The following BMP6 variants were observed in gnomAD, a reference collection of about 807,000 sequenced individuals.
BMP6 encodes bone morphogenetic protein 6.
In BMP6, 17 loss-of-function variants were observed where a neutral mutation model predicts 54.1. The ratio of observed to expected loss-of-function variants is 0.31; its 90% CI spans 0.22 to 0.47. The LOEUF (loss-of-function observed/expected upper bound fraction) is 0.47. BMP6 is among the 20% of genes least tolerant of loss of function. The probability of loss-of-function intolerance (pLI) is 1.00; values close to 1 mark genes in which losing one functional copy is unlikely to be tolerated. For synonymous variants in BMP6, 328 were observed against 291.2 expected, an observed-to-expected ratio of 1.13 and a Z score of -1.28; for missense variants, 720 against 690.4, an observed-to-expected ratio of 1.04 and a Z score of -0.48.
intron 2 of BMP6, among the ~76,000 whole-genome samples, chr6:7,854,353 T>C (rs1328280043): frequency 1.3e-5 from 2 of 152,200 alleles, no homozygotes; most frequent in Non-Finnish European, 2.9e-5. Context: ...TAAAAAACTT[T>C]TTTAAAAGAT....
chr6:7,767,735 C>T (rs1041461152), intron 1 of BMP6, among the ~76,000 whole-genome samples: 1 of 152,218 alleles, frequency 6.6e-6, no homozygotes, highest in South Asian at 2.1e-4. Context: ...ATTCCAACAG[C>T]CCTGCTACGT....
chr6:7,727,524 C>T lies in BMP6; in HGVS notation c.569C>T (p.Pro190Leu). Reference sequence around the variant, plus strand: ...CTCAACCGCAAGAGCCTTCTGGCCCCCGGATCTGGCAGCGGCGGCGCGTCC... The same window carrying T: ...CTCAACCGCAAGAGCCTTCTGGCCCTCGGATCTGGCAGCGGCGGCGCGTCC... ...HPLNRKSLLA[P>L]GSGSGGASPL... The change falls in exon 1 of 7, where the codon CCC becomes CTC. Residue 190 changes from proline (P) to leucine (L), a missense_variant. Around this residue, in one of 3 missense-constraint regions of BMP6, gnomAD observed 650 missense variants for 556.3 expected, o/e 1.17. Transcript: ENST00000283147. 6.3e-7 allele frequency: 1 copy of T among 1,595,922 alleles called. No individual in the cohort carries two copies. The highest frequency in any genetic ancestry group is 8.5e-7 in the Non-Finnish European group (1 of 1,177,758).
At chr6:7,860,597 T>TG (rs1759318307) in intron 2 of BMP6, among the ~76,000 whole-genome samples, 2 of 152,218 alleles carry the variant, frequency 1.3e-5, no homozygotes. Flanking sequence ...AAGGGCCTAA[T>TG]GGAAGGAATG....
intron 1 of BMP6, among the ~76,000 whole-genome samples, chr6:7,731,262 G>A (rs1016981369): frequency 9.2e-5 from 14 of 152,178 alleles, no homozygotes; most frequent in Non-Finnish European, 1.6e-4. Flanking sequence ...TGCTAAAAAT[G>A]TCTTGGCAGC....
rs150526011 is a variant in BMP6, at chr6:7,862,322, C to T, written c.1028C>T (p.Ala343Val). The part of the protein sequence containing the change: ...TRDGVHVHPR[A>V]AGLVGRDGPY... ...AAAGGAGTCCACGTCCACCCCCGAG[C>T]CGCAGGCCTGGTGGGCAGAGACGGC... Residue 343 changes from alanine to valine, a missense_variant, in exon 4 of 7, where the codon GCC becomes GTC. Ala to Val is a moderately conservative substitution (Grantham distance 64). Coordinates refer to ENST00000283147, the MANE Select transcript of BMP6 (RefSeq NM_001718.6). 7.7e-5 allele frequency: 124 copies of T among 1,614,238 alleles called. No homozygotes were observed. In the African/African-American group the frequency reaches 1.6e-3, roughly 20 times the overall value.
intron 1 of BMP6, among the ~76,000 whole-genome samples, chr6:7,743,270 G>A (rs1757295533): frequency 6.6e-6 from 1 of 152,104 alleles, no homozygotes; most frequent in Non-Finnish European, 1.5e-5. Context: ...TTTATTTTGG[G>A]GGGCTGTATT....
chr6:7,875,624 T>C (rs1759603808), intron 4 of BMP6, among the ~76,000 whole-genome samples: 1 of 152,162 alleles, frequency 6.6e-6, no homozygotes, highest in Non-Finnish European at 1.5e-5. Context: ...GCCATGATTG[T>C]GCCACTGTGC....
At chr6:7,802,972 A>G (rs1412374766) in intron 1 of BMP6, among the ~76,000 whole-genome samples, 1 of 152,158 alleles carries the variant, frequency 6.6e-6, no homozygotes. Flanking sequence ...ATGCTAAGAG[A>G]GATATGGTTG....
chr6:7,780,035 G>A lies in BMP6; in HGVS notation c.664+52416G>A, dbSNP rs1296959262. ...TTACTCCATGGGCTGTGTGGTTGAG[G>A]ATGTGTTTGAGTTAAGTAGGCTCTA... On this transcript the variant is annotated intron_variant, in intron 1 of 6. Transcript: ENST00000283147. 3.1e-4 allele frequency among the ~76,000 whole-genome samples: 47 copies of A among 152,240 alleles called. 1 individual carries two copies. Among genetic ancestry groups the A allele is most frequent in the Admixed American group, 2.9e-3 (44 of 15,298 alleles).
At chr6:7,814,201 A>G (rs1163363120) in intron 1 of BMP6, among the ~76,000 whole-genome samples, 1 of 152,238 alleles carries the variant, frequency 6.6e-6, no homozygotes, top group Admixed American at 6.5e-5. Context: ...TTAGGCCCAC[A>G]TGGGCAATCT....
At chr6:7,790,965 A>C (rs188477503) in intron 1 of BMP6, among the ~76,000 whole-genome samples, 294 of 152,204 alleles carry the variant, frequency 1.9e-3, no homozygotes, top group Non-Finnish European at 3.6e-3. Flanking sequence ...ATGAGCATTT[A>C]TACACGCTTG....
intron 2 of BMP6, among the ~76,000 whole-genome samples, chr6:7,860,899 C>T (rs940520157): frequency 6.6e-6 from 1 of 152,030 alleles, no homozygotes; most frequent in Non-Finnish European, 1.5e-5. Context: ...CATATGGATC[C>T]TGATTTTTAT....
chr6:7,813,166 T>G (rs1385306637), intron 1 of BMP6, among the ~76,000 whole-genome samples: 1 of 111,622 alleles, frequency 9.0e-6, no homozygotes, highest in African/African-American at 3.5e-5. Flanking sequence ...GTGGGCATGG[T>G]AGTAGATAAG....
intron 1 of BMP6, among the ~76,000 whole-genome samples, chr6:7,734,892 T>C (rs1761928957): frequency 6.6e-6 from 1 of 152,276 alleles, no homozygotes; most frequent in South Asian, 2.1e-4. Flanking sequence ...GATGAGGTTC[T>C]GGTTCCAAGT....
At chr6:7,844,227 T>C (rs1157516919) in intron 1 of BMP6, among the ~76,000 whole-genome samples, 1 of 152,228 alleles carries the variant, frequency 6.6e-6, no homozygotes, top group Admixed American at 6.5e-5. Flanking sequence ...CTCTCCCTTT[T>C]TTAAGACCAA....
chr6:7,866,488 A>G (rs748739302), intron 4 of BMP6, among the ~76,000 whole-genome samples: 1 of 152,218 alleles, frequency 6.6e-6, no homozygotes, highest in Non-Finnish European at 1.5e-5. Flanking sequence ...CACTTGGCCA[A>G]TCCATGACAA....
intron 1 of BMP6, among the ~76,000 whole-genome samples, chr6:7,819,155 T>TGCA (rs1473319833): frequency 6.6e-6 from 1 of 152,158 alleles, no homozygotes; most frequent in East Asian, 1.9e-4. Context: ...TGTTCACGCG[T>TGCA]GCACATGTGA....
chr6:7,866,981 C>T (rs751484995), intron 4 of BMP6, among the ~76,000 whole-genome samples: 1 of 152,224 alleles, frequency 6.6e-6, no homozygotes, highest in Non-Finnish European at 1.5e-5. Flanking sequence ...AGCGATTCTC[C>T]TGCCTCAGCC....
chr6:7,819,400 C>G (rs1350700402), intron 1 of BMP6, among the ~76,000 whole-genome samples: 1 of 151,972 alleles, frequency 6.6e-6, no homozygotes, highest in Non-Finnish European at 1.5e-5. Context: ...TCATCCAGGT[C>G]AATTTATGTG....
Sources: gnomAD v4.1 joint callset for allele counts (sites outside exome capture counted in the v4.1 genomes callset) on GRCh38, gnomAD v4.1.1 for gene constraint, gnomAD v4.1.1 regional missense constraint, MANE v1.5 for transcripts, NCBI Gene and HGNC (gene_info 2026-07-23, HGNC 2026-07-21) for gene names.